Variants in EPS8 observed in about 807,000 individuals in gnomAD.
EPS8 encodes EGFR pathway substrate 8, signaling adaptor.
Under a neutral mutation model 103.8 loss-of-function variants are expected in EPS8, and 42 were observed. The ratio of observed to expected loss-of-function variants is 0.40; its 90% confidence interval spans 0.32 to 0.52. The LOEUF (loss-of-function observed/expected upper bound fraction) is 0.52, where lower values mean the gene tolerates loss of function less well. Among genes scored for constraint, EPS8 ranks in the 20% least tolerant of loss-of-function variants. The pLI is 0.40. For synonymous variants in EPS8, 344 were observed against 344.6 expected, an observed-to-expected ratio of 1.00 and a Z score of 0.02; for missense variants, 969 against 1,005.1, an observed-to-expected ratio of 0.96 and a Z score of 0.49.
Position 15,690,156 on chromosome 12 carries a change from G to A in EPS8, c.-21-7184C>T, listed in dbSNP as rs529272191. The stretch of plus-strand genomic sequence containing the variant: ...ACTGCAGGTGACTCACTGCATTTCC[G>A]TATAGCTCCTTAAGAGGATCAATCT... On this transcript the variant is annotated intron_variant, in intron 1 of 20. Transcript: ENST00000281172. The surrounding 1 kb of genome is among the most constrained non-coding windows in gnomAD (Gnocchi z 4.7). 1.3e-5 allele frequency among the ~76,000 whole-genome samples: 2 copies of A among 152,086 alleles called. No homozygotes were observed. The highest frequency in any genetic ancestry group is 2.4e-5 in the African/African-American group (1 of 41,396).
chr12:15,673,062 C>A (rs1038341474), intron 3 of EPS8, among the ~76,000 whole-genome samples: 1 of 152,160 alleles, frequency 6.6e-6, no homozygotes, highest in African/African-American at 2.4e-5. Flanking sequence ...GATTTCCTAA[C>A]CCATAGTTTC....
rs147400577 is a variant in EPS8 at position 15,627,293 on chromosome 12, C to T, written c.2045-2886G>A. Among the ~76,000 whole-genome samples, 310 of 152,248 alleles carry T rather than the reference C, an allele frequency of 2.0e-3. 3 individuals are homozygous for T. Among genetic ancestry groups the T allele is most frequent in the African/African-American group, 7.0e-3 (292 of 41,534 alleles). On this transcript the variant is annotated intron_variant, in intron 18 of 20. Coordinates refer to ENST00000281172, the MANE Select transcript of EPS8 (RefSeq NM_004447.6). ...TGCTGGGATTACAGGCATGAGCCAC[C>T]GCGCCCAGCCAACTTAATCGTTTTT...
At chr12:15,632,833 A>C (rs4479039) in intron 17 of EPS8, among the ~76,000 whole-genome samples, 151,103 of 152,252 alleles carry the variant, frequency 0.99, 74,994 homozygotes, top group East Asian at 1. Flanking sequence ...TCATCAGTCC[A>C]CTTCACGGCA....
In EPS8 at chr12:15,769,667, ACT is replaced by A. The variant is rs1175853442; in HGVS notation, c.-22+19492_-22+19493del. 1.1e-4 allele frequency among the ~76,000 whole-genome samples: 16 copies of A among 152,240 alleles called. No homozygotes were observed. Among genetic ancestry groups the A allele is most frequent in the Admixed American group, 3.3e-4 (5 of 15,288 alleles). On this transcript the variant is annotated intron_variant, in intron 1 of 20. Coordinates refer to ENST00000281172, the MANE Select transcript of EPS8 (RefSeq NM_004447.6). This position sits in a 1 kb window ranked among gnomAD's most constrained non-coding sequence, Gnocchi z 4.6. ...TCTGCACATCACGAGAATATTCAAG[ACT>A]CTATTGAATTTCTCCCCAAACAATG... is the stretch of plus-strand genomic sequence containing the variant.
chr12:15,653,616 C>G (rs1945453865), intron 13 of EPS8, among the ~76,000 whole-genome samples: 1 of 152,182 alleles, frequency 6.6e-6, no homozygotes, highest in Non-Finnish European at 1.5e-5. Context: ...GGCAGTTTAG[C>G]AAACCAATGA....
Position 15,700,361 on chromosome 12 carries a change from T to C in EPS8, c.-21-17389A>G, listed in dbSNP as rs886152267. ...TGCAAAATAATCCCTGAACTGAAAT[T>C]GTGCTATAAAGAGTTATATGTGTGG... On this transcript the variant is annotated intron_variant, in intron 1 of 20. Coordinates refer to ENST00000281172, the MANE Select transcript of EPS8 (RefSeq NM_004447.6). This position sits in a 1 kb window ranked among gnomAD's most constrained non-coding sequence, Gnocchi z 5.1. Among the ~76,000 whole-genome samples the C allele has an allele frequency of 3.3e-5, 5 of 152,164 alleles. No homozygotes were observed. The highest frequency in any genetic ancestry group is 1.2e-4 in the African/African-American group (5 of 41,434).
chr12:15,628,176 C>T (rs908048644), intron 18 of EPS8, among the ~76,000 whole-genome samples: 1 of 152,012 alleles, frequency 6.6e-6, no homozygotes, highest in African/African-American at 2.4e-5. Context: ...ACATTATGTG[C>T]ATTTCATTAG....
intron 18 of EPS8, among the ~76,000 whole-genome samples, chr12:15,626,808 C>A (rs539640496): frequency 6.6e-6 from 1 of 152,132 alleles, no homozygotes; most frequent in Non-Finnish European, 1.5e-5. Context: ...TGGTGCTCTT[C>A]AAATTTAAAG....
intron 1 of EPS8, among the ~76,000 whole-genome samples, chr12:15,685,195 A>G (rs1240361276): frequency 6.6e-6 from 1 of 152,224 alleles, no homozygotes; most frequent in Admixed American, 6.5e-5. Flanking sequence ...ATAGTCTGGA[A>G]TTTTAACACT....
Position 15,681,942 on chromosome 12 carries a change from G to T in EPS8, c.60-640C>A, listed in dbSNP as rs187105741. Among the ~76,000 whole-genome samples the T allele has an allele frequency of 4.7e-3, 714 of 152,102 alleles. 3 individuals are homozygous for T. The highest frequency in any genetic ancestry group is 0.016 in the African/African-American group (665 of 41,480). The stretch of plus-strand genomic sequence containing the variant: ...CTATGGGAGGGGGAAACAGGGTGCT[G>T]TCAATAAAATAAGTACATAAAATAA... On this transcript the variant is annotated intron_variant, in intron 2 of 20. Transcript: ENST00000281172.
intron 3 of EPS8, among the ~76,000 whole-genome samples, chr12:15,671,363 T>C (rs1945814479): frequency 1.3e-5 from 2 of 152,108 alleles, no homozygotes; most frequent in Non-Finnish European, 2.9e-5. Flanking sequence ...ATTAAAATAA[T>C]AGGCATTACA....
chr12:15,729,547 A>G (rs1342531078), intron 1 of EPS8, among the ~76,000 whole-genome samples: 2 of 152,180 alleles, frequency 1.3e-5, no homozygotes, highest in Non-Finnish European at 2.9e-5. Context: ...GATGGCATCA[A>G]AGGAATCAAA....
chr12:15,773,734 A>G (rs1198313222), intron 1 of EPS8, among the ~76,000 whole-genome samples: 1 of 152,170 alleles, frequency 6.6e-6, no homozygotes, highest in East Asian at 1.9e-4. Context: ...AGCATATGAC[A>G]TGAATCAAAT....
rs568336644 is a variant in EPS8 at position 15,649,152 on chromosome 12, T to C, written c.1434+1671A>G. Among the ~76,000 whole-genome samples, 4 of 152,292 alleles carry C rather than the reference T, an allele frequency of 2.6e-5. No individual in the cohort carries two copies. The South Asian group carries it at 8.3e-4, about 32-fold the overall frequency. Reference sequence around the variant, plus strand: ...AATATAGTTTATAACAGGAAAATAATAACTCATTACAAGTAAGGATTCTCA... The same window carrying C: ...AATATAGTTTATAACAGGAAAATAACAACTCATTACAAGTAAGGATTCTCA... On this transcript the variant is annotated intron_variant, in intron 14 of 20. Transcript: ENST00000281172.
intron 18 of EPS8, among the ~76,000 whole-genome samples, chr12:15,630,678 G>A (rs1050358039): frequency 2.0e-5 from 3 of 152,164 alleles, no homozygotes; most frequent in African/African-American, 4.8e-5. Flanking sequence ...CAGCTACTGT[G>A]AATAGCAAAC....
chr12:15,674,604 C>A (rs958496472), intron 3 of EPS8, among the ~76,000 whole-genome samples: 1 of 152,126 alleles, frequency 6.6e-6, no homozygotes, highest in Non-Finnish European at 1.5e-5. Flanking sequence ...TTTAAAACTA[C>A]ATTAAGAACT....
At chr12:15,694,721 G>C (rs1041758442) in intron 1 of EPS8, among the ~76,000 whole-genome samples, 2 of 152,110 alleles carry the variant, frequency 1.3e-5, no homozygotes, top group African/African-American at 2.4e-5. Context: ...CTCTCTTCTT[G>C]AGAGTTTACC....
intron 18 of EPS8, among the ~76,000 whole-genome samples, 188 bp downstream of exon 18, chr12:15,631,254 G>A (rs184348708): frequency 6.6e-6 from 1 of 152,246 alleles, no homozygotes; most frequent in East Asian, 1.9e-4. Context: ...ATTAGAGAGT[G>A]GAGAGAATAC....
chr12:15,669,579 A>AT, intron 5 of EPS8, 43 bp from the exon 6 acceptor site: 1 of 1,566,456 alleles, frequency 6.4e-7, no homozygotes, highest in Non-Finnish European at 8.7e-7. Context: ...ACTTCCATCC[A>AT]TTTTCAAACA....
Sources: gnomAD v4.1 joint callset for allele counts (sites outside exome capture counted in the v4.1 genomes callset) on GRCh38, gnomAD v4.1.1 for gene constraint, Gnocchi (gnomAD v3.1) non-coding constraint, MANE v1.5 for transcripts, NCBI Gene and HGNC (gene_info 2026-07-23, HGNC 2026-07-21) for gene names.